The following CDH26 variants were observed in gnomAD, a reference collection of about 807,000 sequenced individuals.
CDH26 encodes cadherin-like protein 26.
In CDH26, 83 loss-of-function variants were observed where a neutral mutation model predicts 90.3. That is an observed-to-expected ratio of 0.92 (90% CI 0.77 to 1.10). CDH26 has a LOEUF of 1.10. Among genes scored for constraint, CDH26 ranks in the 50% least tolerant of loss-of-function variants. The pLI is 0.00. For synonymous variants in CDH26, 397 were observed against 396.3 expected (o/e 1.00, Z -0.02); for missense variants, 1,013 against 1,037.6 (o/e 0.98, Z 0.33).
intron 6 of CDH26, 39 bp from the exon 7 acceptor site, chr20:59,984,962 G>A: frequency 6.2e-7 from 1 of 1,602,750 alleles, no homozygotes; most frequent in East Asian, 2.2e-5. Context: ...TTCCTTTCCT[G>A]TATTTGAGGG....
chr20:60,008,080 A>G (rs1023324779), intron 17 of CDH26, among the ~76,000 whole-genome samples: 2 of 152,142 alleles, frequency 1.3e-5, no homozygotes, highest in African/African-American at 4.8e-5. Context: ...GGAAGGAGGT[A>G]CCAAGAAGCT....
At chr20:60,005,028 G>A (rs926970822) in intron 16 of CDH26, among the ~76,000 whole-genome samples, 2 of 151,646 alleles carry the variant, frequency 1.3e-5, no homozygotes, top group African/African-American at 4.9e-5. Flanking sequence ...GAGACAGCAA[G>A]ACCAACCCTT....
chr20:60,019,496 A>G (rs2061935026), downstream of CDH26, among the ~76,000 whole-genome samples: 1 of 152,120 alleles, frequency 6.6e-6, no homozygotes, highest in Admixed American at 6.6e-5. Context: ...TCTCAATTAT[A>G]TTGTTTAATT....
chr20:59,967,873 C>CTTTCTT (rs2061180734), intron 1 of CDH26, among the ~76,000 whole-genome samples: 6 of 98,336 alleles, frequency 6.1e-5, no homozygotes, highest in Admixed American at 3.0e-4. Flanking sequence ...TTCTTTCTTT[C>CTTTCTT]TTTCTTCCTT....
intron 8 of CDH26, among the ~76,000 whole-genome samples, chr20:60,031,614 C>T (rs2062040342): frequency 6.6e-6 from 1 of 152,150 alleles, no homozygotes; most frequent in East Asian, 1.9e-4. Flanking sequence ...ATTCCCAGAG[C>T]AGTTGATGTA....
chr20:59,976,585 C>T (rs2061330921), intron 4 of CDH26, among the ~76,000 whole-genome samples: 1 of 152,156 alleles, frequency 6.6e-6, no homozygotes, highest in African/African-American at 2.4e-5. Context: ...CACAGTCATA[C>T]ATTATGGAGG....
intron 12 of CDH26, 53 bp downstream of exon 12, chr20:59,996,107 A>G: frequency 1.9e-6 from 3 of 1,555,424 alleles, no homozygotes; most frequent in Non-Finnish European, 2.6e-6. Flanking sequence ...CCCAGGCAAT[A>G]GGCCAGGGGT....
At chr20:60,009,236 G>A (rs917670838) in intron 17 of CDH26, among the ~76,000 whole-genome samples, 1 of 152,124 alleles carries the variant, frequency 6.6e-6, no homozygotes. Context: ...GACTACAGAC[G>A]GGCCCACCTG....
intron 13 of CDH26, among the ~76,000 whole-genome samples, chr20:59,998,187 C>T (rs2046156202): frequency 6.6e-6 from 1 of 152,256 alleles, no homozygotes; most frequent in South Asian, 2.1e-4. Flanking sequence ...TCCAGTGGCT[C>T]AGAGGCTCAA....
chr20:60,004,004 C>G (rs2061709753), intron 16 of CDH26, among the ~76,000 whole-genome samples: 1 of 152,342 alleles, frequency 6.6e-6, no homozygotes, highest in Middle Eastern at 3.4e-3. Flanking sequence ...CAGTGAGCAT[C>G]TGGTGCAAGG....
intron 1 of CDH26, among the ~76,000 whole-genome samples, chr20:59,968,004 TTTCTTTC>T (rs2061196111): frequency 7.3e-6 from 1 of 136,780 alleles, no homozygotes; most frequent in Admixed American, 7.7e-5. Context: ...TCTTTCTTTC[TTTCTTTC>T]TTCCTTTCTC....
Position 59,995,906 on chromosome 20 carries a change from C to T in CDH26, c.1740C>T (p.Asp580=), listed in dbSNP as rs755082150. 22 of 1,614,134 alleles carry T rather than the reference C, an allele frequency of 1.4e-5. No individual in the cohort carries two copies. Among genetic ancestry groups the T allele is most frequent in the Admixed American group, 1.0e-4 (6 of 60,014 alleles). ...GNYLVPLFIG[D]KQGLSQKQTV... ...ACTTGGTGCCACTCTTCATTGGAGACAAACAGGGACTTTCCCAGAAGCAAA... is the reference window on the plus strand; with the variant it reads ...ACTTGGTGCCACTCTTCATTGGAGATAAACAGGGACTTTCCCAGAAGCAAA... Residue 580 remains aspartate (D), a synonymous_variant, in exon 12 of 18, where the codon GAC becomes GAT. Transcript: ENST00000348616.
chr20:59,984,954 C>T, intron 6 of CDH26, 47 bp from the exon 7 acceptor site: 1 of 1,596,414 alleles, frequency 6.3e-7, no homozygotes, highest in Non-Finnish European at 8.5e-7. Context: ...TTAATATTTT[C>T]CTTTCCTGTA....
At chr20:60,024,664 G>A (rs1338097435) in intron 7 of CDH26, among the ~76,000 whole-genome samples, 1 of 152,196 alleles carries the variant, frequency 6.6e-6, no homozygotes, top group Non-Finnish European at 1.5e-5. Flanking sequence ...AGATGAGCAT[G>A]TTCTGTGTAT....
At chr20:59,997,009 A>G (rs936553947) in intron 13 of CDH26, among the ~76,000 whole-genome samples, 1 of 152,206 alleles carries the variant, frequency 6.6e-6, no homozygotes, top group Non-Finnish European at 1.5e-5. Flanking sequence ...GCCTGGAGAC[A>G]GTTTTGATGG....
chr20:60,000,137 C>T (rs1307253966), intron 14 of CDH26, among the ~76,000 whole-genome samples: 4 of 152,142 alleles, frequency 2.6e-5, no homozygotes, highest in African/African-American at 4.8e-5. Flanking sequence ...ACTGGGTGGA[C>T]GATGGCACTG....
chr20:60,032,941 A>G (rs1320327315), intron 8 of CDH26, among the ~76,000 whole-genome samples: 1 of 151,902 alleles, frequency 6.6e-6, no homozygotes, highest in African/African-American at 2.4e-5. Flanking sequence ...TGGCACATGT[A>G]TACATATGTA....
intron 7 of CDH26, among the ~76,000 whole-genome samples, chr20:60,026,680 G>T (rs969847735): frequency 2.6e-5 from 4 of 152,204 alleles, no homozygotes; most frequent in African/African-American, 9.6e-5. Context: ...CTCCCCCAGA[G>T]CCTGTAGGAA....
In CDH26 at chr20:60,012,495, A is replaced by G. The variant is rs747477075; in HGVS notation, c.2296-32A>G. The G allele has an allele frequency of 3.1e-6, 5 of 1,599,948 alleles. No individual in the cohort carries two copies. In the South Asian group the frequency reaches 5.6e-5, roughly 18 times the overall value. On this transcript the variant is annotated intron_variant, in intron 17 of 17. Transcript: ENST00000348616. Reference sequence around the variant, plus strand: ...TGAGCTGGGTATGGAAGCACATGGCATTTACCTTCTCTTTCCCCCACTTTT... The same window carrying G: ...TGAGCTGGGTATGGAAGCACATGGCGTTTACCTTCTCTTTCCCCCACTTTT...
Sources: gnomAD v4.1 joint callset for allele counts (sites outside exome capture counted in the v4.1 genomes callset) on GRCh38, gnomAD v4.1.1 for gene constraint, MANE v1.5 for transcripts, NCBI Gene and HGNC (gene_info 2026-07-23, HGNC 2026-07-21) for gene names.